The following MSN variants were observed in gnomAD, a reference collection of about 807,000 sequenced individuals.
The protein encoded by MSN is epididymis luminal protein 70.
In MSN, 2 loss-of-function variants were observed where a neutral mutation model predicts 48.0. That is an observed-to-expected ratio of 0.04 (90% CI 0.02 to 0.13). The LOEUF is 0.13. Ranked by LOEUF, MSN falls within the 10% of genes least tolerant of loss-of-function variation. The probability of loss-of-function intolerance (pLI) is 1.00; values close to 1 mark genes in which losing one functional copy is unlikely to be tolerated. For missense variants in MSN, 267 were observed against 470.1 expected, an observed-to-expected ratio of 0.57 and a Z score of 3.99; for synonymous variants, 146 against 166.9, an observed-to-expected ratio of 0.87 and a Z score of 0.97.
At chrX:65,661,725 A>T (rs975223046) in intron 1 of MSN, among the ~76,000 whole-genome samples, 1 of 112,020 alleles carries the variant, frequency 8.9e-6, no homozygotes, top group Non-Finnish European at 1.9e-5. Flanking sequence ...CCCATTTACC[A>T]TAGCCACAAA....
upstream of MSN, chrX:65,667,501 G>C (rs1210782330): frequency 2.4e-6 from 1 of 409,832 alleles, no homozygotes. Context: ...GCCCAGCCGG[G>C]CCCCCCACGT....
Position 65,736,820 on chromosome X carries a change from A to C in MSN, c.985A>C (p.Lys329Gln). The C allele has an allele frequency of 4.3e-6, 5 of 1,168,586 alleles. No homozygotes were observed. Among genetic ancestry groups the C allele is most frequent in the Non-Finnish European group, 5.7e-6 (5 of 873,222 alleles). ...TGCTATGCTGGAAAATGAGAAGAAG[A>C]AGCGTGAAATGGCAGAGAAGGAGAA... The part of the protein sequence containing the change: ...ERAMLENEKK[K>Q]REMAEKEKEK... Residue 329 changes from lysine to glutamine, a missense_variant, in exon 9 of 13, where the codon AAG becomes CAG. Coordinates refer to ENST00000360270, the MANE Select transcript of MSN (RefSeq NM_002444.3).
chrX:65,613,899 G>T (rs1175551482), intron 1 of MSN, among the ~76,000 whole-genome samples: 1 of 111,709 alleles, frequency 9.0e-6, no homozygotes, highest in African/African-American at 3.3e-5. Context: ...GTCAATTTTG[G>T]CTTTTGTTGC....
chrX:65,651,574 T>C (rs895166497), intron 1 of MSN, among the ~76,000 whole-genome samples: 22 of 102,136 alleles, frequency 2.2e-4, no homozygotes, highest in Non-Finnish European at 3.9e-5. Flanking sequence ...ATTATTATTA[T>C]TATTATTATT....
chrX:65,595,106 C>T (rs1451846645), intron 1 of MSN, among the ~76,000 whole-genome samples: 1 of 112,018 alleles, frequency 8.9e-6, no homozygotes, highest in Non-Finnish European at 1.9e-5. Flanking sequence ...ATTAGGTTCT[C>T]ACTCTCACAC....
chrX:65,727,939 A>T, intron 3 of MSN, 30 bp downstream of exon 3: 1 of 1,149,608 alleles, frequency 8.7e-7, no homozygotes, highest in Non-Finnish European at 1.2e-6. Flanking sequence ...TTGGATTTAG[A>T]ATTCTTTTCT....
chrX:65,624,372 C>T (rs1028654322), intron 1 of MSN, among the ~76,000 whole-genome samples: 1 of 110,896 alleles, frequency 9.0e-6, no homozygotes, highest in East Asian at 2.8e-4. Context: ...GCCACTGTGC[C>T]TGGCCTATTT....
intron 1 of MSN, among the ~76,000 whole-genome samples, chrX:65,633,139 G>A (rs1402369427): frequency 9.0e-6 from 1 of 111,526 alleles, no homozygotes; most frequent in African/African-American, 3.3e-5. Flanking sequence ...AGGACATTGT[G>A]AGGGATCAAG....
At chrX:65,729,269 T>A (rs981540228) in intron 3 of MSN, among the ~76,000 whole-genome samples, 169 bp from the exon 4 acceptor site, 1 of 111,576 alleles carries the variant, frequency 9.0e-6, no homozygotes, top group Non-Finnish European at 1.9e-5. Context: ...TGGGATTCAG[T>A]CCCCAGTGAA....
chrX:65,722,990 T>C (rs1431512045), intron 2 of MSN, among the ~76,000 whole-genome samples: 1 of 111,000 alleles, frequency 9.0e-6, no homozygotes, highest in Non-Finnish European at 1.9e-5. Context: ...TTCCAGAAGC[T>C]CCTGATAATT....
In MSN at chrX:65,714,323, A is replaced by G. The variant is rs781708975; in HGVS notation, c.13-2495A>G. Among the ~76,000 whole-genome samples, 4 of 111,535 alleles carry G rather than the reference A, an allele frequency of 3.6e-5. No individual in the cohort carries two copies. In the East Asian group the frequency reaches 1.1e-3, roughly 31 times the overall value. Reference sequence around the variant, plus strand: ...GATAGAATGATTTATATTCCTTTGGATATATACCCCATAATGATATTGCTG... The same window carrying G: ...GATAGAATGATTTATATTCCTTTGGGTATATACCCCATAATGATATTGCTG... On this transcript the variant is annotated intron_variant, in intron 1 of 12. Coordinates refer to ENST00000360270, the MANE Select transcript of MSN (RefSeq NM_002444.3).
Position 65,617,544 on chromosome X carries a change from G to T in MSN, c.-22+28932G>T, listed in dbSNP as rs1280164810. ...GGTAGTTTGTATTTCTGTGGGATTGGTGGTGATATCCCCTTTATCATTTTT... is the reference window on the plus strand; with the variant it reads ...GGTAGTTTGTATTTCTGTGGGATTGTTGGTGATATCCCCTTTATCATTTTT... On this transcript the variant is annotated intron_variant, in intron 1 of 3. Coordinates refer to the MSN transcript ENST00000609672. Among the ~76,000 whole-genome samples, 5 of 106,854 alleles carry T rather than the reference G, an allele frequency of 4.7e-5. No homozygotes were observed. The Admixed American group carries it at 4.9e-4, about 10-fold the overall frequency. 92.8% of individuals were successfully genotyped at this position (106,854 alleles called of 115,157 possible).
At chrX:65,718,429 A>G (rs759711315) in intron 2 of MSN, among the ~76,000 whole-genome samples, 1 of 112,203 alleles carries the variant, frequency 8.9e-6, no homozygotes, top group African/African-American at 3.2e-5. Context: ...AGAAAACACA[A>G]ATAGGAAAGA....
At chrX:65,609,849 T>C (rs751407547) in intron 1 of MSN, among the ~76,000 whole-genome samples, 71 of 110,211 alleles carry the variant, frequency 6.4e-4, no homozygotes, top group African/African-American at 2.3e-3. Context: ...CACCACTGCA[T>C]TCCAGCCTGG....
chrX:65,606,468 A>G (rs2070280279), intron 1 of MSN, among the ~76,000 whole-genome samples: 1 of 110,019 alleles, frequency 9.1e-6, no homozygotes, highest in African/African-American at 3.3e-5. Flanking sequence ...TGTTCCCCAG[A>G]CCGGAGTACA....
Position 65,740,901 on chromosome X carries a change from A to G in MSN, c.*1008A>G. 5.8e-6 allele frequency: 1 copy of G among 171,597 alleles called. No individual in the cohort carries two copies. The highest frequency in any genetic ancestry group is 3.0e-4 in the South Asian group (1 of 3,301). The allele number at this position is 171,597 out of a possible 1,213,427, so 14.1% of individuals were successfully genotyped here. ...GGTTTTAGGTCTCTTCCCCTCTCAG[A>G]GCTACTTGGGCCATAGCTCCTGCTC... On this transcript the variant is annotated 3_prime_UTR_variant, in exon 13 of 13. Transcript: ENST00000360270.
intron 1 of MSN, among the ~76,000 whole-genome samples, chrX:65,611,167 A>ATT (rs570494964): frequency 2.4e-4 from 19 of 78,246 alleles, no homozygotes; most frequent in Admixed American, 1.3e-3. Context: ...CTTTCTTTCT[A>ATT]TTTTTTTTTT....
At chrX:65,635,888 G>T (rs2070595087) in intron 1 of MSN, among the ~76,000 whole-genome samples, 1 of 112,357 alleles carries the variant, frequency 8.9e-6, no homozygotes, top group African/African-American at 3.2e-5. Context: ...CTAAAGGTCA[G>T]CTAGTATCAC....
At chrX:65,643,355 T>G (rs1191545574) in intron 1 of MSN, among the ~76,000 whole-genome samples, 5 of 110,428 alleles carry the variant, frequency 4.5e-5, no homozygotes, top group Admixed American at 1.9e-4. Context: ...TGCTTCTGAG[T>G]GTCTAGAGGA....
Sources: gnomAD v4.1 joint callset for allele counts (sites outside exome capture counted in the v4.1 genomes callset) on GRCh38, gnomAD v4.1.1 for gene constraint, MANE v1.5 for transcripts, NCBI Gene and HGNC (gene_info 2026-07-23, HGNC 2026-07-21) for gene names.